Variants in SMOC2 observed in about 807,000 individuals in gnomAD.
SMOC2 encodes the protein SPARC related modular calcium binding 2.
A neutral mutation model predicts 61.4 loss-of-function variants in SMOC2; 39 were observed. That is an observed-to-expected ratio of 0.64 (90% CI 0.49 to 0.83). The LOEUF (loss-of-function observed/expected upper bound fraction) is 0.83. Among genes scored for constraint, SMOC2 ranks in the 40% least tolerant of loss-of-function variants. The probability of loss-of-function intolerance (pLI) is 0.00; values close to 1 mark genes in which losing one functional copy is unlikely to be tolerated. For synonymous variants in SMOC2, 247 were observed against 239.9 expected, an observed-to-expected ratio of 1.03 and a Z score of -0.27; for missense variants, 556 against 592.9, an observed-to-expected ratio of 0.94 and a Z score of 0.65.
At chr6:168,595,744 C>G (rs1037342946) in intron 7 of SMOC2, among the ~76,000 whole-genome samples, 2 of 152,230 alleles carry the variant, frequency 1.3e-5, no homozygotes, top group African/African-American at 2.4e-5. Flanking sequence ...TCTTCTGACT[C>G]TGCTCTAATA....
intron 8 of SMOC2, among the ~76,000 whole-genome samples, chr6:168,604,081 C>T (rs545601143): frequency 6.6e-6 from 1 of 152,250 alleles, no homozygotes; most frequent in Admixed American, 6.5e-5. Context: ...AGGACATTCC[C>T]TCTCCCAAAG....
chr6:168,495,164 G>A (rs1782555700), intron 1 of SMOC2, among the ~76,000 whole-genome samples: 1 of 152,230 alleles, frequency 6.6e-6, no homozygotes. Context: ...TGCGCCCTAT[G>A]TGGGCTCCTG....
chr6:168,541,812 C>A (rs1266846401), intron 4 of SMOC2, among the ~76,000 whole-genome samples: 1 of 152,178 alleles, frequency 6.6e-6, no homozygotes, highest in African/African-American at 2.4e-5. Context: ...TAAGGAAACA[C>A]TGATTCAATG....
chr6:168,458,386 A>G (rs183478304), intron 1 of SMOC2, among the ~76,000 whole-genome samples: 32 of 145,418 alleles, frequency 2.2e-4, no homozygotes, highest in Middle Eastern at 3.6e-3. Context: ...TGGGGGCATC[A>G]TGCTGCCTGC....
chr6:168,625,469 C>T (rs939103430), intron 9 of SMOC2, among the ~76,000 whole-genome samples: 1 of 152,202 alleles, frequency 6.6e-6, no homozygotes, highest in Non-Finnish European at 1.5e-5. Context: ...GCTCAAATGC[C>T]CCGCATGGCG....
intron 7 of SMOC2, among the ~76,000 whole-genome samples, chr6:168,583,282 C>A (rs1397353926): frequency 6.6e-6 from 1 of 150,810 alleles, no homozygotes; most frequent in East Asian, 2.0e-4. Context: ...CTTCCTGGCT[C>A]CAGTGGGCTC....
intron 9 of SMOC2, among the ~76,000 whole-genome samples, chr6:168,641,234 G>T (rs765132722): frequency 6.6e-6 from 1 of 151,990 alleles, no homozygotes; most frequent in African/African-American, 2.4e-5. Context: ...TGAAATGCTC[G>T]CTCCTCCCCG....
intron 7 of SMOC2, 57 bp downstream of exon 7, chr6:168,549,260 A>T (rs1222976500): frequency 1.9e-6 from 3 of 1,543,842 alleles, no homozygotes; most frequent in Admixed American, 1.7e-5. Flanking sequence ...CTAGAAAATG[A>T]TGGGGTTTTT....
intron 11 of SMOC2, among the ~76,000 whole-genome samples, chr6:168,658,737 T>C (rs1274156676): frequency 6.6e-6 from 1 of 152,186 alleles, no homozygotes; most frequent in Non-Finnish European, 1.5e-5. Context: ...AATTTCGGGA[T>C]GAAACGATTT....
At chr6:168,457,037 C>T (rs1781602234) in intron 1 of SMOC2, among the ~76,000 whole-genome samples, 1 of 152,160 alleles carries the variant, frequency 6.6e-6, no homozygotes, top group South Asian at 2.1e-4. Context: ...ACATCATGCT[C>T]CATTTTCTCC....
In SMOC2 at chr6:168,666,490, C is replaced by T. The variant is rs1787665897; in HGVS notation, c.*52C>T. 6.3e-7 allele frequency: 1 copy of T among 1,595,016 alleles called. No individual in the cohort carries two copies. Among genetic ancestry groups the T allele is most frequent in the African/African-American group, 1.3e-5 (1 of 74,416 alleles). On this transcript the variant is annotated 3_prime_UTR_variant, in exon 13 of 13. Coordinates refer to ENST00000356284, the MANE Select transcript of SMOC2 (RefSeq NM_001166412.2). ...TAGACACATGGGAAATTTCCCTCAC[C>T]AAAGAGCAATTAAGAAAACAAAAAC...
intron 1 of SMOC2, 134 bp from the exon 2 acceptor site, chr6:168,509,781 G>A (rs1782962262): frequency 4.2e-6 from 3 of 722,078 alleles, no homozygotes; most frequent in Admixed American, 6.2e-5. Context: ...TTCTGGCAGG[G>A]GTGAGAACCG....
chr6:168,455,721 A>G (rs940725354), intron 1 of SMOC2, among the ~76,000 whole-genome samples: 6 of 152,218 alleles, frequency 3.9e-5, no homozygotes, highest in Non-Finnish European at 7.3e-5. Flanking sequence ...AGAATGAGCC[A>G]TTATCTCCTG....
chr6:168,455,669 G>A (rs888476974), intron 1 of SMOC2, among the ~76,000 whole-genome samples: 1 of 152,172 alleles, frequency 6.6e-6, no homozygotes, highest in Non-Finnish European at 1.5e-5. Flanking sequence ...TCTCTGGGGT[G>A]TCACTCAAAA....
intron 7 of SMOC2, among the ~76,000 whole-genome samples, chr6:168,554,601 C>T (rs1784204837): frequency 6.6e-6 from 1 of 152,260 alleles, no homozygotes; most frequent in Non-Finnish European, 1.5e-5. Flanking sequence ...CCTGGAAGAC[C>T]TTTCCTGATT....
In SMOC2 at chr6:168,482,765, TG is replaced by T. The variant is rs1322908275; in HGVS notation, c.85-27149del. ...TGAATCAATATGTAAAATCAATCAA[TG>T]TAATACATCATAGTAACAGAATGAA... On this transcript the variant is annotated intron_variant, in intron 1 of 12. Coordinates refer to ENST00000356284, the MANE Select transcript of SMOC2 (RefSeq NM_001166412.2). 2.6e-5 allele frequency among the ~76,000 whole-genome samples: 4 copies of T among 152,092 alleles called. No individual in the cohort carries two copies. In the East Asian group the frequency reaches 7.7e-4, roughly 29 times the overall value.
intron 1 of SMOC2, among the ~76,000 whole-genome samples, chr6:168,477,137 G>A (rs1214580256): frequency 6.6e-6 from 1 of 152,182 alleles, no homozygotes; most frequent in Non-Finnish European, 1.5e-5. Flanking sequence ...TCAAACCTTG[G>A]TGTCAACTAG....
At chr6:168,580,256 G>A (rs9456215) in intron 7 of SMOC2, among the ~76,000 whole-genome samples, 53,750 of 152,090 alleles carry the variant, frequency 0.35, 9,597 homozygotes, top group Middle Eastern at 0.41. Flanking sequence ...CTCTCCAAAG[G>A]AACTGGATCC....
intron 9 of SMOC2, among the ~76,000 whole-genome samples, chr6:168,619,055 C>A (rs1562386736): frequency 6.6e-6 from 1 of 152,144 alleles, no homozygotes; most frequent in African/African-American, 2.4e-5. Context: ...CACAAAATGA[C>A]CCTCAGCACG....
Sources: allele counts gnomAD v4.1 joint callset (sites outside exome capture counted in the v4.1 genomes callset), GRCh38; gene constraint gnomAD v4.1.1; transcripts MANE v1.5; gene names NCBI Gene and HGNC (gene_info 2026-07-23, HGNC 2026-07-21).